Variants in RIPOR2 observed in about 807,000 individuals in gnomAD.
The protein encoded by RIPOR2 is RHO family interacting cell polarization regulator 2.
A neutral mutation model predicts 114.5 loss-of-function variants in RIPOR2; 39 were observed. The observed-to-expected ratio is 0.34, with a 90% confidence interval of 0.26 to 0.44. The LOEUF (loss-of-function observed/expected upper bound fraction) is 0.44, where lower values mean the gene tolerates loss of function less well. RIPOR2 is among the 20% of genes least tolerant of loss of function. The pLI is 1.00. For missense variants in RIPOR2, 1,007 were observed against 1,255.1 expected (o/e 0.80, Z 2.99); for synonymous variants, 445 against 484.4 (o/e 0.92, Z 1.07).
chr6:24,958,280 G>T (rs943932707), intron 1 of RIPOR2, among the ~76,000 whole-genome samples: 2 of 152,028 alleles, frequency 1.3e-5, no homozygotes, highest in Non-Finnish European at 1.5e-5. Flanking sequence ...ATTTGCATAT[G>T]CACCTTAATT....
intron 1 of RIPOR2, among the ~76,000 whole-genome samples, chr6:24,975,198 C>T (rs571506380): frequency 9.9e-5 from 15 of 152,282 alleles, no homozygotes; most frequent in Admixed American, 2.0e-4. Context: ...TACTTATCTT[C>T]ATTTGTAAAT....
intron 12 of RIPOR2, chr6:24,847,562 T>C (rs1581579258): frequency 6.4e-6 from 10 of 1,551,600 alleles, no homozygotes; most frequent in South Asian, 1.2e-5. Flanking sequence ...AGCACGGCCT[T>C]GGGACTCGGC....
intron 1 of RIPOR2, among the ~76,000 whole-genome samples, chr6:24,984,578 G>C (rs1774452073): frequency 6.6e-6 from 1 of 151,484 alleles, no homozygotes; most frequent in Non-Finnish European, 1.5e-5. Flanking sequence ...CACGCCAGTA[G>C]TCCTAGCTAC....
intron 1 of RIPOR2, among the ~76,000 whole-genome samples, chr6:25,036,510 G>A (rs1485795168): frequency 6.6e-6 from 1 of 152,028 alleles, no homozygotes; most frequent in African/African-American, 2.4e-5. Context: ...TCCTGCCTCA[G>A]CCTCCTGAGT....
Position 24,828,308 on chromosome 6 carries a change from G to A in RIPOR2, c.2507-13C>T, listed in dbSNP as rs892514714. ...AGGGTTCGAAACACTATTCGGAAGG[G>A]AAAGACACAAAGCAGCTTTAGATAG... On this transcript the variant is annotated splice_polypyrimidine_tract_variant and intron_variant, in intron 17 of 21. Transcript: ENST00000643898. 8 of 1,530,946 alleles carry A rather than the reference G, an allele frequency of 5.2e-6. No homozygotes were observed. Among genetic ancestry groups the A allele is most frequent in the Non-Finnish European group, 7.0e-6 (8 of 1,136,820 alleles). 94.8% of individuals were successfully genotyped at this position (1,530,946 alleles called of 1,614,324 possible). A position where few individuals can be genotyped will look rare whatever the true frequency, so the allele number is the denominator to read the frequency against.
At chr6:25,035,146 T>G (rs966577994) in intron 1 of RIPOR2, among the ~76,000 whole-genome samples, 1 of 152,210 alleles carries the variant, frequency 6.6e-6, no homozygotes, top group Non-Finnish European at 1.5e-5. Context: ...GATTCAGAAC[T>G]GGGGAGAAAC....
chr6:25,003,389 T>TTATTAC (rs1357005660), intron 1 of RIPOR2, among the ~76,000 whole-genome samples: 1 of 70,228 alleles, frequency 1.4e-5, no homozygotes, highest in African/African-American at 3.9e-5. Context: ...TAACACATTA[T>TTATTAC]TATTATTATT....
chr6:25,016,466 A>G (rs1776007227), intron 1 of RIPOR2, among the ~76,000 whole-genome samples: 1 of 152,230 alleles, frequency 6.6e-6, no homozygotes, highest in African/African-American at 2.4e-5. Flanking sequence ...CTGTATGTTC[A>G]GTTTTCATGA....
At chr6:24,845,032 C>T (rs1762118698) in intron 12 of RIPOR2, among the ~76,000 whole-genome samples, 2 of 152,008 alleles carry the variant, frequency 1.3e-5, no homozygotes, top group South Asian at 4.2e-4. Context: ...CCGACACATG[C>T]AGTTCGTTGC....
chr6:25,007,078 T>C (rs1407067999), intron 1 of RIPOR2, among the ~76,000 whole-genome samples: 1 of 152,220 alleles, frequency 6.6e-6, no homozygotes, highest in Non-Finnish European at 1.5e-5. Flanking sequence ...CTTCACCAAG[T>C]TTCTGCTCTG....
At chr6:24,834,834 G>T (rs1039886157) in intron 15 of RIPOR2, among the ~76,000 whole-genome samples, 1 of 152,052 alleles carries the variant, frequency 6.6e-6, no homozygotes, top group East Asian at 1.9e-4. Flanking sequence ...CTGTTGACCA[G>T]GCTGGTCTCA....
chr6:24,859,411 T>C (rs1023914822), intron 8 of RIPOR2, among the ~76,000 whole-genome samples: 1 of 152,106 alleles, frequency 6.6e-6, no homozygotes, highest in Non-Finnish European at 1.5e-5. Context: ...TTTCCAGAAT[T>C]GATCAGGCTG....
chr6:24,827,532 C>T (rs1484174817), intron 18 of RIPOR2, among the ~76,000 whole-genome samples: 1 of 152,234 alleles, frequency 6.6e-6, no homozygotes, highest in African/African-American at 2.4e-5. Flanking sequence ...AACCAGAAAC[C>T]AGCCCCTCAC....
intron 1 of RIPOR2, among the ~76,000 whole-genome samples, chr6:24,929,751 A>G (rs1423484349): frequency 6.6e-6 from 1 of 152,208 alleles, no homozygotes; most frequent in Non-Finnish European, 1.5e-5. Context: ...GAGAAGTTGA[A>G]TAAACTGACA....
At chr6:24,970,101 A>G (rs1369273605) in intron 1 of RIPOR2, among the ~76,000 whole-genome samples, 1 of 152,066 alleles carries the variant, frequency 6.6e-6, no homozygotes, top group African/African-American at 2.4e-5. Context: ...GGGAAAGGGA[A>G]GGAAAGAGAC....
chr6:24,985,391 A>G (rs34953857), intron 1 of RIPOR2, among the ~76,000 whole-genome samples: 1 of 152,100 alleles, frequency 6.6e-6, no homozygotes, highest in Non-Finnish European at 1.5e-5. Flanking sequence ...TTAACCAGTA[A>G]AATAAAAGAG....
At chr6:24,837,185 C>T (rs999936585) in intron 14 of RIPOR2, among the ~76,000 whole-genome samples, 3 of 152,074 alleles carry the variant, frequency 2.0e-5, no homozygotes, top group Non-Finnish European at 4.4e-5. Flanking sequence ...TGCAGTGGCT[C>T]GATCTCAACT....
chr6:24,899,376 T>G (rs113479816), intron 1 of RIPOR2, among the ~76,000 whole-genome samples: 5,680 of 152,326 alleles, frequency 0.037, 289 homozygotes, highest in African/African-American at 0.11. Flanking sequence ...GCTATTGTTC[T>G]GGAAATTATA....
Position 24,870,862 on chromosome 6 carries a change from T to G in RIPOR2, c.447+4A>C. The G allele has an allele frequency of 2.5e-6, 4 of 1,604,368 alleles. No individual in the cohort carries two copies. Among genetic ancestry groups the G allele is most frequent in the Non-Finnish European group, 3.4e-6 (4 of 1,174,834 alleles). On this transcript the variant is annotated splice_donor_region_variant and intron_variant, in intron 5 of 21. Transcript: ENST00000643898. ...TAGCACCCCAACACGGAATGGCAAC[T>G]TACCTTGTCTAGGTCATACAGTACA...
Sources: allele counts gnomAD v4.1 joint callset (sites outside exome capture counted in the v4.1 genomes callset), GRCh38; gene constraint gnomAD v4.1.1; transcripts MANE v1.5; gene names NCBI Gene and HGNC (gene_info 2026-07-23, HGNC 2026-07-21).